SH3KBP1: variants seen among roughly 807,000 people sequenced by gnomAD.
The protein encoded by SH3KBP1 is SH3 domain containing kinase binding protein 1, also known as SH3 domain-containing kinase-binding protein 1.
Under a neutral mutation model 50.1 loss-of-function variants are expected in SH3KBP1, and 8 were observed. The ratio of observed to expected loss-of-function variants is 0.16; its 90% CI spans 0.09 to 0.29. The LOEUF (loss-of-function observed/expected upper bound fraction) is 0.29. SH3KBP1 is among the 10% of genes least tolerant of loss of function. SH3KBP1 has a pLI of 1.00. For synonymous variants in SH3KBP1, 227 were observed against 218.6 expected (o/e 1.04, Z -0.34); for missense variants, 377 against 535.2 (o/e 0.70, Z 2.92).
chrX:19,586,376 T>G (rs1041307504), intron 12 of SH3KBP1, among the ~76,000 whole-genome samples: 2 of 112,622 alleles, frequency 1.8e-5, no homozygotes, highest in African/African-American at 6.5e-5. Flanking sequence ...CCCTGGAGAC[T>G]AATAGAATTT....
intron 9 of SH3KBP1, among the ~76,000 whole-genome samples, chrX:19,603,343 G>A (rs1031782908): frequency 8.9e-6 from 1 of 112,442 alleles, no homozygotes; most frequent in African/African-American, 3.2e-5. Flanking sequence ...GACCCATAGG[G>A]GACAAAATGA....
At chrX:19,774,667 A>AAAGAAAGAAAGG (rs2065913010) in intron 2 of SH3KBP1, among the ~76,000 whole-genome samples, 1 of 58,083 alleles carries the variant, frequency 1.7e-5, no homozygotes, top group Non-Finnish European at 2.9e-5. Flanking sequence ...AGAAAGAAAG[A>AAAGAAAGAAAGG]AAGAAAGAAA....
chrX:19,699,801 C>T (rs1049058215), intron 4 of SH3KBP1, among the ~76,000 whole-genome samples: 2 of 111,579 alleles, frequency 1.8e-5, no homozygotes, highest in African/African-American at 6.5e-5. Context: ...CTTCTTGCAC[C>T]CCATTTGTAA....
intron 6 of SH3KBP1, among the ~76,000 whole-genome samples, chrX:19,656,559 A>C (rs1246218269): frequency 8.9e-6 from 1 of 111,858 alleles, no homozygotes; most frequent in Non-Finnish European, 1.9e-5. Flanking sequence ...TGCATGCCAC[A>C]TAGTTACTGG....
At chrX:19,568,494 TA>T (rs2065914359) in intron 13 of SH3KBP1, among the ~76,000 whole-genome samples, 1 of 112,254 alleles carries the variant, frequency 8.9e-6, no homozygotes, top group Admixed American at 9.4e-5. Flanking sequence ...CTGGACTTCT[TA>T]AAAGGGTTGT....
At chrX:19,656,861 A>T (rs1288736248) in intron 6 of SH3KBP1, among the ~76,000 whole-genome samples, 1 of 112,202 alleles carries the variant, frequency 8.9e-6, no homozygotes, top group African/African-American at 3.2e-5. Context: ...GAAACTCCTG[A>T]CACATATGAA....
chrX:19,731,608 A>G (rs1001598710), intron 3 of SH3KBP1, among the ~76,000 whole-genome samples: 1 of 112,246 alleles, frequency 8.9e-6, no homozygotes, highest in Admixed American at 9.4e-5. Flanking sequence ...CTCAGAAACC[A>G]AAGACAATTT....
intron 4 of SH3KBP1, among the ~76,000 whole-genome samples, chrX:19,696,543 G>A (rs2063420350): frequency 1.8e-5 from 2 of 111,423 alleles, no homozygotes; most frequent in South Asian, 3.8e-4. Flanking sequence ...AAGGAGGGAA[G>A]GCTGAGTCGG....
At chrX:19,669,059 C>A (rs1279256008) in intron 6 of SH3KBP1, among the ~76,000 whole-genome samples, 1 of 95,018 alleles carries the variant, frequency 1.1e-5, no homozygotes, top group Non-Finnish European at 2.1e-5. Flanking sequence ...ACCTCCCGGG[C>A]TCAGGCGATC....
chrX:19,746,841 G>T (rs2064932337), intron 2 of SH3KBP1, among the ~76,000 whole-genome samples: 1 of 112,057 alleles, frequency 8.9e-6, no homozygotes, highest in African/African-American at 3.2e-5. Flanking sequence ...GAGATTTAAA[G>T]AAGCATATTC....
At chrX:19,580,371 T>G (rs2066331619) in intron 12 of SH3KBP1, among the ~76,000 whole-genome samples, 1 of 111,385 alleles carries the variant, frequency 9.0e-6, no homozygotes, top group Non-Finnish European at 1.9e-5. Flanking sequence ...ACAAGACAAG[T>G]CTACCCACGC....
intron 1 of SH3KBP1, among the ~76,000 whole-genome samples, chrX:19,874,146 T>C (rs1163081831): frequency 2.0e-5 from 2 of 98,999 alleles, no homozygotes; most frequent in Non-Finnish European, 4.0e-5. Flanking sequence ...TAGGGACCCA[T>C]GGCTGGCTGT....
chrX:19,860,277 C>T (rs1358711855), intron 1 of SH3KBP1, among the ~76,000 whole-genome samples: 1 of 42,359 alleles, frequency 2.4e-5, no homozygotes, highest in Non-Finnish European at 4.2e-5. Context: ...GAGATCCCAC[C>T]TCTAAAAAAA....
intron 2 of SH3KBP1, among the ~76,000 whole-genome samples, chrX:19,771,129 T>C (rs933457229): frequency 1.8e-5 from 2 of 112,034 alleles, no homozygotes; most frequent in South Asian, 3.7e-4. Context: ...GTTGGCAATA[T>C]GGATTATAGG....
chrX:19,548,825 AAGAGAGAG>A (rs61301072), intron 14 of SH3KBP1, among the ~76,000 whole-genome samples: 2 of 102,476 alleles, frequency 2.0e-5, no homozygotes, highest in Non-Finnish European at 3.9e-5. Flanking sequence ...TATGGAAATA[AAGAGAGAG>A]AGAGAGAGAG....
chrX:19,830,179 C>T (rs1307640548), intron 2 of SH3KBP1, among the ~76,000 whole-genome samples: 1 of 110,799 alleles, frequency 9.0e-6, no homozygotes, highest in Non-Finnish European at 1.9e-5. Context: ...CCCAGTAGGT[C>T]TCAGCCTTAT....
At chrX:19,561,065 C>A (rs1468815192) in intron 13 of SH3KBP1, among the ~76,000 whole-genome samples, 1 of 91,410 alleles carries the variant, frequency 1.1e-5, no homozygotes, top group Admixed American at 1.2e-4. Flanking sequence ...CAGAGCAAGA[C>A]CCTGTCTAAA....
chrX:19,864,973 G>A (rs781284463), intron 1 of SH3KBP1, among the ~76,000 whole-genome samples: 2 of 112,030 alleles, frequency 1.8e-5, no homozygotes, highest in Non-Finnish European at 3.8e-5. Flanking sequence ...AACACACTGT[G>A]GTTTTGTGTC....
intron 13 of SH3KBP1, among the ~76,000 whole-genome samples, chrX:19,552,465 G>A (rs992344412): frequency 4.5e-5 from 5 of 110,452 alleles, no homozygotes; most frequent in African/African-American, 1.7e-4. Context: ...AGCAGATGCT[G>A]ACTGGCAGCC....
Sources: allele counts gnomAD v4.1 joint callset (sites outside exome capture counted in the v4.1 genomes callset), GRCh38; gene constraint gnomAD v4.1.1; transcripts MANE v1.5; gene names NCBI Gene and HGNC (gene_info 2026-07-23, HGNC 2026-07-21).